The following RIPOR2 variants were observed in gnomAD, a reference collection of about 807,000 sequenced individuals.
RIPOR2 encodes RHO family interacting cell polarization regulator 2.
A neutral mutation model predicts 114.5 loss-of-function variants in RIPOR2; 39 were observed. The ratio of observed to expected loss-of-function variants is 0.34; its 90% confidence interval spans 0.26 to 0.44. The LOEUF is 0.44. Among genes scored for constraint, RIPOR2 ranks in the 20% least tolerant of loss-of-function variants. The pLI is 1.00. For synonymous variants in RIPOR2, 445 were observed against 484.4 expected, an observed-to-expected ratio of 0.92 and a Z score of 1.07; for missense variants, 1,007 against 1,255.1, an observed-to-expected ratio of 0.80 and a Z score of 2.99.
intron 1 of RIPOR2, among the ~76,000 whole-genome samples, chr6:24,951,805 C>A (rs1252812808): frequency 1.3e-5 from 2 of 152,200 alleles, no homozygotes; most frequent in African/African-American, 2.4e-5. Flanking sequence ...ACAGAATAAT[C>A]AGCTTTGGCA....
intron 12 of RIPOR2, among the ~76,000 whole-genome samples, 180 bp downstream of exon 12, chr6:24,847,845 T>C (rs574535213): frequency 2.6e-5 from 4 of 152,238 alleles, no homozygotes; most frequent in Non-Finnish European, 4.4e-5. Flanking sequence ...TTCAGAAAAA[T>C]CTACATGTTA....
intron 7 of RIPOR2, among the ~76,000 whole-genome samples, chr6:24,861,850 A>G (rs1376000790): frequency 1.3e-5 from 2 of 152,238 alleles, no homozygotes. Context: ...TGGTAAATCT[A>G]GATAAAGGCA....
chr6:24,897,739 TCA>T (rs1456924464), intron 1 of RIPOR2, among the ~76,000 whole-genome samples: 1 of 152,128 alleles, frequency 6.6e-6, no homozygotes, highest in Admixed American at 6.5e-5. Context: ...TTAAAGATGG[TCA>T]CAGTTAGTGT....
At chr6:24,984,364 C>A (rs1774443717) in intron 1 of RIPOR2, among the ~76,000 whole-genome samples, 1 of 152,106 alleles carries the variant, frequency 6.6e-6, no homozygotes, top group South Asian at 2.1e-4. Flanking sequence ...AGGGGTGGAT[C>A]TCACAAAGTA....
intron 1 of RIPOR2, among the ~76,000 whole-genome samples, chr6:24,969,926 G>C (rs528952345): frequency 2.5e-4 from 38 of 152,292 alleles, no homozygotes; most frequent in African/African-American, 9.1e-4. Flanking sequence ...TCTGTTCACT[G>C]CTGTCTCCCC....
At chr6:25,007,783 C>T (rs1403769429) in intron 1 of RIPOR2, among the ~76,000 whole-genome samples, 6 of 151,956 alleles carry the variant, frequency 3.9e-5, no homozygotes, top group South Asian at 2.1e-4. Flanking sequence ...CTTTTCTCCC[C>T]GGCCCCAGAG....
chr6:25,017,045 G>A (rs1776040076), intron 1 of RIPOR2, among the ~76,000 whole-genome samples: 1 of 152,194 alleles, frequency 6.6e-6, no homozygotes, highest in South Asian at 2.1e-4. Context: ...CTGGAACAGT[G>A]TTAAAAGAAG....
intron 1 of RIPOR2, among the ~76,000 whole-genome samples, chr6:24,964,644 A>G (rs897272400): frequency 1.3e-5 from 2 of 152,194 alleles, no homozygotes; most frequent in East Asian, 1.9e-4. Flanking sequence ...TAATTTCTGT[A>G]TCATAAGGCT....
chr6:24,934,436 A>T (rs216257), intron 1 of RIPOR2, among the ~76,000 whole-genome samples: 46,628 of 152,062 alleles, frequency 0.31, 7,190 homozygotes, highest in East Asian at 0.37. Flanking sequence ...AAACCCAACT[A>T]ATGATTTTAA....
At position 24,924,899 on chromosome 6, in the gene RIPOR2, TTATAAA is replaced by T. The variant is rs138380311; in HGVS notation, c.61+10933_61+10938del. Among the ~76,000 whole-genome samples, 1,034 of 152,240 alleles carry T rather than the reference TTATAAA, an allele frequency of 6.8e-3. 8 individuals are homozygous for T. The highest frequency in any genetic ancestry group is 0.027 in the Middle Eastern group (8 of 294). On this transcript the variant is annotated intron_variant, in intron 1 of 21. Coordinates refer to ENST00000643898, the MANE Select transcript of RIPOR2 (RefSeq NM_001286445.3). ...GCCAAGTGATAAAAATGAGGAAATT[TTATAAA>T]TATATATAACAAGAAAGAAAATAAA...
chr6:24,897,302 G>T (rs1229504794), intron 1 of RIPOR2, among the ~76,000 whole-genome samples: 2 of 152,328 alleles, frequency 1.3e-5, no homozygotes, highest in African/African-American at 4.8e-5. Context: ...CATTTGGCAG[G>T]ATGAGTTTAT....
At chr6:24,869,629 T>G (rs184815531) in intron 5 of RIPOR2, among the ~76,000 whole-genome samples, 112 of 151,142 alleles carry the variant, frequency 7.4e-4, no homozygotes, top group Admixed American at 3.0e-3. Context: ...TGGAAATTTA[T>G]TTTTTTAATA....
chr6:24,990,051 A>T (rs1023272391), intron 1 of RIPOR2, among the ~76,000 whole-genome samples: 1 of 152,162 alleles, frequency 6.6e-6, no homozygotes, highest in African/African-American at 2.4e-5. Flanking sequence ...AAAAAATAAA[A>T]AAATACCTTT....
chr6:25,024,396 T>C, intron 1 of RIPOR2: 2 of 1,220,942 alleles, frequency 1.6e-6, no homozygotes, highest in Non-Finnish European at 2.4e-6. Context: ...AATGACATCA[T>C]AGCCTTGTTC....
chr6:24,886,027 C>T (rs1415151058), intron 1 of RIPOR2, among the ~76,000 whole-genome samples: 2 of 152,138 alleles, frequency 1.3e-5, no homozygotes, highest in African/African-American at 4.8e-5. Flanking sequence ...TAATTTGAAG[C>T]TTACAGAAAA....
chr6:25,041,488 T>C (rs1434430813), intron 1 of RIPOR2, among the ~76,000 whole-genome samples: 2 of 152,222 alleles, frequency 1.3e-5, no homozygotes, highest in East Asian at 1.9e-4. Context: ...TCCATTTTTT[T>C]CCCCACTGTA....
Position 24,828,215 on chromosome 6 carries a change from C to G in RIPOR2, c.2587G>C (p.Val863Leu). The G allele has an allele frequency of 1.3e-6, 2 of 1,551,414 alleles. No individual in the cohort carries two copies. Among genetic ancestry groups the G allele is most frequent in the Non-Finnish European group, 1.7e-6 (2 of 1,146,804 alleles). ...SSSLSSEVVT[V>L]FQYYSYFTSH... ...GTGAAGTAACTGTAATACTGGAAAACAGTGACGACTTCCGAGGACAGGCTG... is the reference window on the plus strand; with the variant it reads ...GTGAAGTAACTGTAATACTGGAAAAGAGTGACGACTTCCGAGGACAGGCTG... The change falls in exon 18 of 22, where the codon GTT (valine) becomes CTT (leucine). Residue 863 changes from valine to leucine, a missense_variant. Physicochemically the swap from Val to Leu is conservative, Grantham distance 32. Coordinates refer to ENST00000643898, the MANE Select transcript of RIPOR2 (RefSeq NM_001286445.3).
At chr6:24,872,347 G>A (rs939906743) in intron 4 of RIPOR2, among the ~76,000 whole-genome samples, 1 of 152,060 alleles carries the variant, frequency 6.6e-6, no homozygotes, top group South Asian at 2.1e-4. Context: ...TGGAGTAAAA[G>A]TTCTAGATTC....
intron 1 of RIPOR2, among the ~76,000 whole-genome samples, chr6:25,033,178 C>T (rs753611755): frequency 6.7e-6 from 1 of 150,112 alleles, no homozygotes; most frequent in Non-Finnish European, 1.5e-5. Context: ...CGGCGCCACA[C>T]GCCTGGGTGA....
Sources: allele counts gnomAD v4.1 joint callset (sites outside exome capture counted in the v4.1 genomes callset), GRCh38; gene constraint gnomAD v4.1.1; transcripts MANE v1.5; gene names NCBI Gene and HGNC (gene_info 2026-07-23, HGNC 2026-07-21).